Variants in RARB observed in about 807,000 individuals in gnomAD.
The protein encoded by RARB is HBV-activated protein.
A neutral mutation model predicts 51.9 loss-of-function variants in RARB; 17 were observed. The ratio of observed to expected loss-of-function variants is 0.33; its 90% CI spans 0.22 to 0.49. The LOEUF (loss-of-function observed/expected upper bound fraction) is 0.49, where lower values mean the gene tolerates loss of function less well. Ranked by LOEUF, RARB falls within the 20% of genes least tolerant of loss-of-function variation. RARB has a pLI of 0.99. For missense variants in RARB, 369 were observed against 550.8 expected (o/e 0.67, Z 3.30); for synonymous variants, 215 against 195.4 (o/e 1.10, Z -0.84).
intron 5 of RARB, among the ~76,000 whole-genome samples, chr3:25,216,303 T>C (rs1044960497): frequency 5.3e-5 from 8 of 152,212 alleles, no homozygotes; most frequent in African/African-American, 1.9e-4. Flanking sequence ...CAGCCAAATG[T>C]ATATCCATAA....
intron 3 of RARB, among the ~76,000 whole-genome samples, chr3:25,118,590 C>G (rs780504437): frequency 6.6e-6 from 1 of 152,022 alleles, no homozygotes; most frequent in Non-Finnish European, 1.5e-5. Flanking sequence ...AGGTTATATT[C>G]CTTGAGAAGT....
At chr3:25,341,291 G>A (rs1308971787) in intron 5 of RARB, among the ~76,000 whole-genome samples, 3 of 152,110 alleles carry the variant, frequency 2.0e-5, no homozygotes, top group Non-Finnish European at 4.4e-5. Flanking sequence ...TGGAAACATA[G>A]GTGAATATAC....
chr3:25,261,188 T>C (rs1158785517), intron 5 of RARB, among the ~76,000 whole-genome samples: 3 of 152,166 alleles, frequency 2.0e-5, no homozygotes, highest in African/African-American at 7.2e-5. Context: ...CTAGTTGCTA[T>C]TGTCATCATT....
chr3:25,125,163 C>G (rs1232260063), intron 3 of RARB, among the ~76,000 whole-genome samples: 1 of 152,090 alleles, frequency 6.6e-6, no homozygotes, highest in Non-Finnish European at 1.5e-5. Flanking sequence ...CAGACACATA[C>G]TGTTGCCAAG....
exon 5 of RARB, chr3:25,174,393 G>A (rs549712167): frequency 4.4e-6 from 6 of 1,351,894 alleles, no homozygotes; most frequent in East Asian, 4.5e-5. Flanking sequence ...TGTGAGGCCC[G>A]AAACATGACC....
intron 5 of RARB, among the ~76,000 whole-genome samples, chr3:25,219,952 A>G (rs55864034): frequency 0.087 from 13,280 of 152,272 alleles, 759 homozygotes; most frequent in Non-Finnish European, 0.13. Flanking sequence ...TAAAACTATT[A>G]TTACTGTGTA....
At chr3:25,203,066 T>A (rs1210764363) in intron 5 of RARB, among the ~76,000 whole-genome samples, 1 of 152,220 alleles carries the variant, frequency 6.6e-6, no homozygotes, top group East Asian at 1.9e-4. Flanking sequence ...TGTGGAAGTC[T>A]AAGTCTCTTT....
intron 3 of RARB, among the ~76,000 whole-genome samples, chr3:25,512,040 G>T (rs983017525): frequency 1.3e-5 from 2 of 152,158 alleles, no homozygotes; most frequent in African/African-American, 2.4e-5. Flanking sequence ...CTTAACATCT[G>T]TGTACACCAA....
At chr3:25,512,954 C>A (rs984298988) in intron 3 of RARB, among the ~76,000 whole-genome samples, 7 of 151,878 alleles carry the variant, frequency 4.6e-5, no homozygotes, top group Admixed American at 4.6e-4. Flanking sequence ...AATTGTGAGC[C>A]TAGTGCCTTG....
At chr3:25,065,018 T>C (rs368546110) in intron 3 of RARB, among the ~76,000 whole-genome samples, 7 of 152,152 alleles carry the variant, frequency 4.6e-5, no homozygotes, top group Admixed American at 6.5e-5. Flanking sequence ...ATGGTGGCCA[T>C]TGGCTCTGAT....
intron 2 of RARB, among the ~76,000 whole-genome samples, chr3:24,952,583 C>A (rs1179006143): frequency 6.6e-6 from 1 of 152,112 alleles, no homozygotes. Flanking sequence ...ACCACATGGG[C>A]TTTACTCACT....
At chr3:25,492,283 TA>T (rs1407642663) in intron 2 of RARB, among the ~76,000 whole-genome samples, 1 of 152,248 alleles carries the variant, frequency 6.6e-6, no homozygotes, top group Non-Finnish European at 1.5e-5. Context: ...GAAAAAGATA[TA>T]TTTTCACCTA....
intron 2 of RARB, among the ~76,000 whole-genome samples, chr3:24,978,573 T>A (rs900945698): frequency 6.6e-6 from 1 of 152,306 alleles, no homozygotes; most frequent in African/African-American, 2.4e-5. Context: ...TGATGGTAGT[T>A]TGTATTTCTG....
intron 3 of RARB, among the ~76,000 whole-genome samples, chr3:25,072,051 T>G (rs1278232454): frequency 6.6e-6 from 1 of 152,170 alleles, no homozygotes; most frequent in Non-Finnish European, 1.5e-5. Context: ...CCTGTGGCGG[T>G]TCTTATCTTG....
intron 4 of RARB, among the ~76,000 whole-genome samples, chr3:25,579,859 T>TG (rs1375484509): frequency 6.6e-6 from 1 of 152,158 alleles, no homozygotes; most frequent in Non-Finnish European, 1.5e-5. Context: ...TGGGTGGTGG[T>TG]GTGTTTTTCC....
intron 2 of RARB, among the ~76,000 whole-genome samples, chr3:24,948,239 C>A (rs879507025): frequency 2.6e-5 from 4 of 152,164 alleles, no homozygotes; most frequent in Non-Finnish European, 4.4e-5. Context: ...TAGCACATCC[C>A]CCCTGCCCAT....
intron 5 of RARB, among the ~76,000 whole-genome samples, chr3:25,201,991 A>C (rs535086439): frequency 1.3e-5 from 2 of 152,144 alleles, no homozygotes; most frequent in South Asian, 4.1e-4. Flanking sequence ...TATTGATTGG[A>C]ATAGTTTCAG....
chr3:25,388,994 G>A (rs534243698), intron 5 of RARB, among the ~76,000 whole-genome samples: 1 of 152,248 alleles, frequency 6.6e-6, no homozygotes, highest in East Asian at 1.9e-4. Context: ...TACAATAGAG[G>A]ACAGAAACAT....
chr3:25,291,595 C>G (rs925952232), intron 5 of RARB, among the ~76,000 whole-genome samples: 1 of 151,738 alleles, frequency 6.6e-6, no homozygotes, highest in Non-Finnish European at 1.5e-5. Context: ...GCTTCACCTG[C>G]CAGTCTGGGC....
Sources: allele counts gnomAD v4.1 joint callset (sites outside exome capture counted in the v4.1 genomes callset), GRCh38; gene constraint gnomAD v4.1.1; transcripts MANE v1.5; gene names NCBI Gene and HGNC (gene_info 2026-07-23, HGNC 2026-07-21).